ANXA8: variants seen among roughly 807,000 people sequenced by gnomAD.
ANXA8 encodes VAC-beta.
A neutral mutation model predicts 26.8 loss-of-function variants in ANXA8; 9 were observed. The observed-to-expected ratio is 0.34, with a 90% confidence interval of 0.20 to 0.59. The LOEUF (loss-of-function observed/expected upper bound fraction) is 0.59, where lower values mean the gene tolerates loss of function less well. ANXA8 is among the 20% of genes least tolerant of loss of function. The probability of loss-of-function intolerance (pLI) is 0.84; values close to 1 mark genes in which losing one functional copy is unlikely to be tolerated. For missense variants in ANXA8, 83 were observed against 238.5 expected, an observed-to-expected ratio of 0.35 and a Z score of 4.29; for synonymous variants, 39 against 94.8, an observed-to-expected ratio of 0.41 and a Z score of 3.42.
chr10:47,565,674 G>T, the ANXA8 span: 1 of 397,466 alleles, frequency 2.5e-6, no homozygotes, highest in Non-Finnish European at 4.3e-6. Context: ...GGCCAGCCCC[G>T]GAGCCTGGAC....
chr10:47,476,546 G>A (rs1290759540), intron 4 of ANXA8, among the ~76,000 whole-genome samples: 1 of 117,824 alleles, frequency 8.5e-6, no homozygotes, highest in African/African-American at 3.1e-5. Context: ...TAGCTGGGTG[G>A]TCTCAGACAG....
At chr10:47,648,168 C>T in the ANXA8 span, among the ~76,000 whole-genome samples, 23 of 151,326 alleles carry the variant, frequency 1.5e-4, no homozygotes, top group Non-Finnish European at 2.8e-4. Context: ...TCAGCAAGGA[C>T]GGCAAACAAA....
the ANXA8 span, among the ~76,000 whole-genome samples, chr10:47,734,938 G>A: frequency 1.6e-5 from 2 of 124,432 alleles, 1 homozygote; most frequent in African/African-American, 7.2e-5. Flanking sequence ...AGAATTGCTT[G>A]AACCTGGGAG....
chr10:47,989,162 G>A, the ANXA8 span, among the ~76,000 whole-genome samples: 1 of 141,336 alleles, frequency 7.1e-6, no homozygotes, highest in Admixed American at 7.0e-5. Context: ...CTCAGAAGCT[G>A]AGCTCTATCT....
the ANXA8 span, among the ~76,000 whole-genome samples, chr10:47,495,371 T>G: frequency 6.7e-6 from 1 of 149,566 alleles, no homozygotes; most frequent in African/African-American, 2.5e-5. Flanking sequence ...CTGCAACTTC[T>G]GCCTCCCGCG....
the ANXA8 span, chr10:47,750,818 A>T: frequency 1.3e-4 from 20 of 152,022 alleles, no homozygotes; most frequent in African/African-American, 4.4e-4. Context: ...AAGTCCAAGT[A>T]TTATTGTGTT....
the ANXA8 span, among the ~76,000 whole-genome samples, chr10:47,974,285 T>G: frequency 2.0e-5 from 3 of 147,332 alleles, no homozygotes; most frequent in African/African-American, 4.9e-5. Context: ...ATTTGGAAAT[T>G]CTTTTTTCTT....
chr10:47,977,565 G>T, the ANXA8 span, among the ~76,000 whole-genome samples: 27 of 151,540 alleles, frequency 1.8e-4, 1 homozygote, highest in East Asian at 4.6e-3. Flanking sequence ...TTTAAAGAAT[G>T]TTAAAAAGCA....
At chr10:47,733,299 T>TTTC in the ANXA8 span, among the ~76,000 whole-genome samples, 1 of 100,636 alleles carries the variant, frequency 9.9e-6, no homozygotes, top group Non-Finnish European at 2.0e-5. Flanking sequence ...TTCTTTCTTT[T>TTTC]TTTTCTTTCT....
chr10:47,953,949 AAATT>A, the ANXA8 span, among the ~76,000 whole-genome samples: 1 of 149,916 alleles, frequency 6.7e-6, no homozygotes, highest in Middle Eastern at 3.4e-3. Flanking sequence ...GTGGGAATGT[AAATT>A]AATACAGCCA....
chr10:47,589,559 G>T, the ANXA8 span: 9 of 146,268 alleles, frequency 6.2e-5, no homozygotes, highest in East Asian at 1.7e-3. Flanking sequence ...ACTGTATGGG[G>T]GAGCTGAAGG....
At chr10:47,503,937 CAAAAAAAA>C in the ANXA8 span, among the ~76,000 whole-genome samples, 258 of 23,416 alleles carry the variant, frequency 0.011, 6 homozygotes, top group African/African-American at 0.046. Context: ...GAGAGTCCAT[CAAAAAAAA>C]AAAAAAAAAA....
At chr10:47,516,707 C>CCA in the ANXA8 span, among the ~76,000 whole-genome samples, 1 of 133,444 alleles carries the variant, frequency 7.5e-6, no homozygotes, top group South Asian at 2.3e-4. Context: ...AAGTTGCCCC[C>CCA]CACACACACA....
chr10:47,507,556 G>A, the ANXA8 span: 1 of 1,527,148 alleles, frequency 6.5e-7, no homozygotes, highest in Admixed American at 1.8e-5. Flanking sequence ...ACCTTTGTGT[G>A]ATATGATGAG....
the ANXA8 span, among the ~76,000 whole-genome samples, chr10:47,974,619 A>AT: frequency 4.2e-5 from 6 of 144,250 alleles, no homozygotes; most frequent in Non-Finnish European, 7.7e-5. Flanking sequence ...ACTTTCAAAG[A>AT]TTTTTTTATT....
chr10:47,530,131 G>A, the ANXA8 span, among the ~76,000 whole-genome samples: 1 of 138,092 alleles, frequency 7.2e-6, no homozygotes, highest in Non-Finnish European at 1.5e-5. Flanking sequence ...CAATAGCTAC[G>A]ACCTGGGGCT....
At chr10:47,744,260 C>T in the ANXA8 span, among the ~76,000 whole-genome samples, 10 of 149,876 alleles carry the variant, frequency 6.7e-5, no homozygotes, top group Non-Finnish European at 1.0e-4. Flanking sequence ...TGAGGTGTCT[C>T]TGGTAATATG....
At chr10:47,674,414 G>GT in the ANXA8 span, among the ~76,000 whole-genome samples, 1 of 151,424 alleles carries the variant, frequency 6.6e-6, no homozygotes, top group Non-Finnish European at 1.5e-5. Context: ...CTACAGACAT[G>GT]TGCCACTATG....
chr10:47,694,454 T>G, the ANXA8 span, among the ~76,000 whole-genome samples: 3 of 143,356 alleles, frequency 2.1e-5, no homozygotes, highest in Non-Finnish European at 3.0e-5. Context: ...GGAGTCTTGC[T>G]CTGTTGCCCA....
Sources: allele counts gnomAD v4.1 joint callset (sites outside exome capture counted in the v4.1 genomes callset), GRCh38; gene constraint gnomAD v4.1.1; transcripts MANE v1.5; gene names NCBI Gene and HGNC (gene_info 2026-07-23, HGNC 2026-07-21).